Variants in NUP98 observed in about 807,000 individuals in gnomAD.
The protein encoded by NUP98 is nucleoporin 98 and 96 precursor, also known as nuclear pore complex protein Nup98-Nup96.
A neutral mutation model predicts 191.9 loss-of-function variants in NUP98; 26 were observed. The ratio of observed to expected loss-of-function variants is 0.14; its 90% CI spans 0.10 to 0.19. NUP98 has a LOEUF of 0.19. NUP98 is among the 10% of genes least tolerant of loss of function. The probability of loss-of-function intolerance (pLI) is 1.00; values close to 1 mark genes in which losing one functional copy is unlikely to be tolerated. For missense variants in NUP98, 1,941 were observed against 2,178.8 expected (o/e 0.89, Z 2.17); for synonymous variants, 808 against 778.4 (o/e 1.04, Z -0.63).
chr11:3,795,441 A>C (rs1188212331), intron 1 of NUP98, among the ~76,000 whole-genome samples: 1 of 152,128 alleles, frequency 6.6e-6, no homozygotes, highest in African/African-American at 2.4e-5. Flanking sequence ...GTGAGACCCT[A>C]TCTCATAAAT....
chr11:3,739,471 T>G (rs994006603), intron 12 of NUP98, among the ~76,000 whole-genome samples: 10 of 152,084 alleles, frequency 6.6e-5, no homozygotes, highest in Non-Finnish European at 1.0e-4. Context: ...ATGGTCGAAC[T>G]CCTGACCTCA....
At chr11:3,747,548 G>C (rs2080553934) in intron 11 of NUP98, among the ~76,000 whole-genome samples, 1 of 152,142 alleles carries the variant, frequency 6.6e-6, no homozygotes, top group African/African-American at 2.4e-5. Flanking sequence ...CTCAACACAT[G>C]GGGCGGGAGA....
At chr11:3,722,998 A>G (rs1333126407) in intron 16 of NUP98, among the ~76,000 whole-genome samples, 159 bp downstream of exon 16, 6 of 152,174 alleles carry the variant, frequency 3.9e-5, no homozygotes, top group Non-Finnish European at 7.3e-5. Context: ...AATCAACTAA[A>G]GCATAAAACT....
At chr11:3,711,975 T>C (rs2079033254) in intron 20 of NUP98, 1 of 1,045,620 alleles carries the variant, frequency 9.6e-7, no homozygotes, top group Non-Finnish European at 1.2e-6. Context: ...CCCGTATCAA[T>C]GATACAAGTA....
intron 1 of NUP98, among the ~76,000 whole-genome samples, chr11:3,795,639 A>G (rs927051025): frequency 6.6e-6 from 1 of 152,184 alleles, no homozygotes; most frequent in African/African-American, 2.4e-5. Context: ...GCAACTGGAC[A>G]ACAAAGATAA....
chr11:3,738,107 A>AAAAAAAAAAAAAAC (rs1554894745), intron 12 of NUP98, among the ~76,000 whole-genome samples: 2 of 147,672 alleles, frequency 1.4e-5, no homozygotes, highest in Middle Eastern at 3.8e-3. Flanking sequence ...AAAAAAAAAA[A>AAAAAAAAAAAAAAC]CCAAAGACTT....
chr11:3,771,931 G>GA lies in NUP98; in HGVS notation c.604-4dup. 2.5e-6 allele frequency: 4 copies of GA among 1,611,398 alleles called. No homozygotes were observed. Among genetic ancestry groups the GA allele is most frequent in the Non-Finnish European group, 3.4e-6 (4 of 1,178,186 alleles). ...TGATAATCCTCTAAACGAAGTTCCT[G>GA]AAGGGAGGGAAAACATATTTCTAAT... On this transcript the variant is annotated splice_region_variant and splice_polypyrimidine_tract_variant and intron_variant, in intron 6 of 32. Transcript: ENST00000324932.
intron 11 of NUP98, among the ~76,000 whole-genome samples, chr11:3,750,810 T>C (rs957567800): frequency 2.9e-4 from 44 of 151,972 alleles, no homozygotes; most frequent in African/African-American, 9.9e-4. Flanking sequence ...ATCTATTTTA[T>C]TTTATTTTTT....
At chr11:3,737,469 T>C (rs1389276156) in intron 12 of NUP98, among the ~76,000 whole-genome samples, 1 of 151,502 alleles carries the variant, frequency 6.6e-6, no homozygotes, top group African/African-American at 2.4e-5. Flanking sequence ...ACTAACAAAA[T>C]AGAAAAAATT....
intron 25 of NUP98, 71 bp from the exon 26 acceptor site, chr11:3,695,677 TA>T: frequency 9.3e-7 from 1 of 1,079,558 alleles, no homozygotes; most frequent in Non-Finnish European, 1.2e-6. Flanking sequence ...TTGGGGGCAT[TA>T]TCTTCATTTC....
At chr11:3,774,000 T>C (rs1345343992) in intron 5 of NUP98, among the ~76,000 whole-genome samples, 1 of 152,108 alleles carries the variant, frequency 6.6e-6, no homozygotes, top group Non-Finnish European at 1.5e-5. Flanking sequence ...AATTACATGG[T>C]AAAATACATG....
chr11:3,797,075 C>A (rs112148235), intron 1 of NUP98, among the ~76,000 whole-genome samples: 2 of 152,234 alleles, frequency 1.3e-5, no homozygotes, highest in Non-Finnish European at 2.9e-5. Context: ...GCGCTGACCC[C>A]GGAAAGGCCA....
intron 7 of NUP98, among the ~76,000 whole-genome samples, chr11:3,771,447 G>C (rs2081528673): frequency 6.6e-6 from 1 of 152,098 alleles, no homozygotes; most frequent in Admixed American, 6.6e-5. Flanking sequence ...AGAGTTTTTA[G>C]ACTCAGTTTC....
intron 7 of NUP98, among the ~76,000 whole-genome samples, chr11:3,769,165 C>T (rs1040605349): frequency 6.6e-6 from 1 of 152,162 alleles, no homozygotes; most frequent in African/African-American, 2.4e-5. Flanking sequence ...TGGCTCACAC[C>T]TGTAATAACA....
intron 4 of NUP98, among the ~76,000 whole-genome samples, chr11:3,776,486 CTTTT>C (rs35086418): frequency 1.5e-5 from 2 of 133,190 alleles, no homozygotes; most frequent in African/African-American, 2.8e-5. Flanking sequence ...ATAGAAATTT[CTTTT>C]TTTTTTTTTT....
At position 3,731,464 on chromosome 11, in the gene NUP98, T is replaced by C. The variant is rs1589828649; in HGVS notation, c.1657A>G (p.Thr553Ala). The C allele has an allele frequency of 6.2e-7, 1 of 1,609,020 alleles. No individual in the cohort carries two copies. Among genetic ancestry groups the C allele is most frequent in the South Asian group, 1.1e-5 (1 of 89,560 alleles). Residue 553 changes from threonine to alanine, a missense_variant, in exon 14 of 33, where the codon ACA becomes GCA. By Grantham distance (58) the Thr-to-Ala change is moderately conservative. Transcript: ENST00000324932. Reference sequence around the variant, plus strand: ...CCATCAAAGAGATGTGACTTGGCTGTGCCTGTTGTTTGTAAAGCCTTTGGC... The same window carrying C: ...CCATCAAAGAGATGTGACTTGGCTGCGCCTGTTGTTTGTAAAGCCTTTGGC... ...VRPKALQTTG[T>A]AKSHLFDGLD... is the part of the protein sequence containing the mutation.
chr11:3,756,022 T>A (rs1029592556), intron 10 of NUP98, among the ~76,000 whole-genome samples: 1 of 152,150 alleles, frequency 6.6e-6, no homozygotes, highest in Non-Finnish European at 1.5e-5. Context: ...TCGCAATATA[T>A]TTGACTTAGA....
intron 25 of NUP98, chr11:3,697,138 G>A (rs2078534286): frequency 6.6e-6 from 1 of 152,112 alleles, no homozygotes; most frequent in Non-Finnish European, 1.5e-5. Context: ...GAGGCTGGAT[G>A]TGGTGGCTCA....
chr11:3,780,985 C>G (rs1225999059), intron 2 of NUP98, among the ~76,000 whole-genome samples: 1 of 151,820 alleles, frequency 6.6e-6, no homozygotes, highest in African/African-American at 2.4e-5. Flanking sequence ...GGGGCTGAGG[C>G]AGGAGAACTG....
Sources: allele counts gnomAD v4.1 joint callset (sites outside exome capture counted in the v4.1 genomes callset), GRCh38; gene constraint gnomAD v4.1.1; transcripts MANE v1.5; gene names NCBI Gene and HGNC (gene_info 2026-07-23, HGNC 2026-07-21).